THSD4: variants seen among roughly 807,000 people sequenced by gnomAD.
THSD4 encodes thrombospondin type-1 domain-containing protein 4.
Under a neutral mutation model 119.0 loss-of-function variants are expected in THSD4, and 69 were observed. That is an observed-to-expected ratio of 0.58 (90% CI 0.48 to 0.71). The LOEUF is 0.71. THSD4 is among the 30% of genes least tolerant of loss of function. THSD4 has a pLI of 0.00. For missense variants in THSD4, 1,393 were observed against 1,391.1 expected, an observed-to-expected ratio of 1.00 and a Z score of -0.02; for synonymous variants, 524 against 540.4, an observed-to-expected ratio of 0.97 and a Z score of 0.42.
intron 6 of THSD4, among the ~76,000 whole-genome samples, chr15:71,286,186 CA>C (rs1480262056): frequency 2.0e-5 from 3 of 152,100 alleles, no homozygotes; most frequent in Admixed American, 6.6e-5. Context: ...GATACATGTG[CA>C]GGATGTGTAG....
intron 5 of THSD4, among the ~76,000 whole-genome samples, chr15:71,254,591 T>G (rs1439685209): frequency 6.6e-6 from 1 of 152,212 alleles, no homozygotes; most frequent in African/African-American, 2.4e-5. Context: ...TAAGGTTTCT[T>G]TCTCGAAGCC....
intron 7 of THSD4, among the ~76,000 whole-genome samples, chr15:71,642,716 C>T (rs1158628710): frequency 3.3e-5 from 5 of 151,680 alleles, no homozygotes; most frequent in African/African-American, 4.8e-5. Flanking sequence ...AACCAAACAC[C>T]GCATGTTCTC....
chr15:71,575,189 G>A (rs2049427175), intron 7 of THSD4, among the ~76,000 whole-genome samples: 3 of 152,000 alleles, frequency 2.0e-5, no homozygotes, highest in African/African-American at 7.2e-5. Flanking sequence ...TCAATTTTAT[G>A]GATTTGTAAC....
At chr15:71,356,314 G>T (rs1438482202) in intron 6 of THSD4, among the ~76,000 whole-genome samples, 3 of 152,166 alleles carry the variant, frequency 2.0e-5, no homozygotes, top group Non-Finnish European at 4.4e-5. Flanking sequence ...GCCTGAGGTG[G>T]CCATGCAGTC....
intron 8 of THSD4, among the ~76,000 whole-genome samples, chr15:71,687,408 A>G (rs1370328655): frequency 6.6e-6 from 1 of 152,222 alleles, no homozygotes; most frequent in Non-Finnish European, 1.5e-5. Flanking sequence ...GAAAACAGGC[A>G]TAAGAGACCG....
At chr15:71,671,631 T>G (rs905701367) in intron 8 of THSD4, among the ~76,000 whole-genome samples, 1 of 152,238 alleles carries the variant, frequency 6.6e-6, no homozygotes, top group Non-Finnish European at 1.5e-5. Flanking sequence ...AACATTTAAG[T>G]CTTGAATCCA....
intron 7 of THSD4, among the ~76,000 whole-genome samples, chr15:71,486,954 C>T (rs1317152558): frequency 1.3e-5 from 2 of 152,178 alleles, no homozygotes; most frequent in Non-Finnish European, 1.5e-5. Flanking sequence ...ATCTGCCCAC[C>T]AGTTCAGAAA....
intron 8 of THSD4, among the ~76,000 whole-genome samples, chr15:71,680,852 A>G (rs541882080): frequency 2.6e-5 from 4 of 152,344 alleles, no homozygotes; most frequent in Admixed American, 2.6e-4. Context: ...AAACAGGTAA[A>G]GCATCTAGCA....
At chr15:71,135,726 G>A (rs1293281202) in intron 1 of THSD4, among the ~76,000 whole-genome samples, 1 of 152,112 alleles carries the variant, frequency 6.6e-6, no homozygotes, top group Non-Finnish European at 1.5e-5. Flanking sequence ...AATGTACTGA[G>A]TTTTCTCAGA....
chr15:71,578,431 A>G (rs1020980667), intron 7 of THSD4, among the ~76,000 whole-genome samples: 5 of 151,576 alleles, frequency 3.3e-5, no homozygotes, highest in African/African-American at 7.3e-5. Flanking sequence ...ATTTCTTTTG[A>G]CTTTATTTTT....
At chr15:71,558,891 A>T (rs999684208) in intron 7 of THSD4, among the ~76,000 whole-genome samples, 9 of 152,046 alleles carry the variant, frequency 5.9e-5, no homozygotes, top group Non-Finnish European at 1.2e-4. Context: ...TTAATTTCTA[A>T]CTTGATTATA....
intron 8 of THSD4, among the ~76,000 whole-genome samples, chr15:71,714,325 C>T (rs1005878748): frequency 6.6e-6 from 1 of 152,128 alleles, no homozygotes; most frequent in Non-Finnish European, 1.5e-5. Context: ...GCACCTAAAA[C>T]AGTGCCTGAC....
chr15:71,352,436 G>A (rs973763614), intron 6 of THSD4, among the ~76,000 whole-genome samples: 3 of 152,158 alleles, frequency 2.0e-5, no homozygotes, highest in Admixed American at 6.5e-5. Flanking sequence ...ATTACAGGAT[G>A]TTTCCCACGG....
At chr15:71,148,738 T>C (rs2040690034) in intron 2 of THSD4, among the ~76,000 whole-genome samples, 1 of 152,154 alleles carries the variant, frequency 6.6e-6, no homozygotes, top group South Asian at 2.1e-4. Context: ...CAAATGCTTG[T>C]TTTGTAAAAA....
At chr15:71,555,475 T>C (rs1178145847) in intron 7 of THSD4, among the ~76,000 whole-genome samples, 2 of 152,244 alleles carry the variant, frequency 1.3e-5, no homozygotes, top group Non-Finnish European at 2.9e-5. Flanking sequence ...TGTTTGTATT[T>C]ATTTTCTGGT....
At chr15:71,325,036 A>G (rs535167116) in intron 6 of THSD4, among the ~76,000 whole-genome samples, 1 of 152,116 alleles carries the variant, frequency 6.6e-6, no homozygotes, top group African/African-American at 2.4e-5. Flanking sequence ...TGTGGTTTTC[A>G]TTTGCATTGC....
intron 7 of THSD4, among the ~76,000 whole-genome samples, chr15:71,561,568 A>G (rs1424774178): frequency 1.3e-5 from 2 of 152,174 alleles, no homozygotes; most frequent in Non-Finnish European, 2.9e-5. Flanking sequence ...GAGAATAAAA[A>G]GACAAACATG....
At chr15:71,614,741 G>A (rs1368700815) in intron 7 of THSD4, among the ~76,000 whole-genome samples, 1 of 152,216 alleles carries the variant, frequency 6.6e-6, no homozygotes, top group Non-Finnish European at 1.5e-5. Context: ...ATGAGATTCT[G>A]AGTGGAGATG....
rs1277894929 is a variant in THSD4, at chr15:71,215,235, C to T, written c.300C>T (p.Phe100=). Residue 100 remains phenylalanine (F), a synonymous_variant, in exon 4 of 18, where the codon TTC becomes TTT. Transcript: ENST00000261862. ...GQRPGAPARA[F]ADHVVSAVRT... is the part of the protein sequence containing the mutation. ...GGCCTGGCGCCCCTGCGCGCGCCTT[C>T]GCGGACCACGTGGTGTCGGCGGTGC... The T allele has an allele frequency of 4.2e-6, 6 of 1,444,408 alleles. No individual in the cohort carries two copies. The Admixed American group carries it at 1.1e-4, about 26-fold the overall frequency. 89.5% of individuals were successfully genotyped at this position (1,444,408 alleles called of 1,614,324 possible). A position where few individuals can be genotyped will look rare whatever the true frequency, so the allele number is the denominator to read the frequency against.
Sources: allele counts gnomAD v4.1 joint callset (sites outside exome capture counted in the v4.1 genomes callset), GRCh38; gene constraint gnomAD v4.1.1; transcripts MANE v1.5; gene names NCBI Gene and HGNC (gene_info 2026-07-23, HGNC 2026-07-21).